DEPDC7: variants seen among roughly 807,000 people sequenced by gnomAD.
DEPDC7 encodes DEP domain containing 7.
A neutral mutation model predicts 56.6 loss-of-function variants in DEPDC7; 41 were observed. The ratio of observed to expected loss-of-function variants is 0.72; its 90% confidence interval spans 0.56 to 0.94. The LOEUF (loss-of-function observed/expected upper bound fraction) is 0.94. Ranked by LOEUF, DEPDC7 falls within the 40% of genes least tolerant of loss-of-function variation. The pLI is 0.00. For synonymous variants in DEPDC7, 185 were observed against 208.8 expected, an observed-to-expected ratio of 0.89 and a Z score of 0.98; for missense variants, 522 against 596.3, an observed-to-expected ratio of 0.88 and a Z score of 1.30.
Position 33,031,803 on chromosome 11 carries a change from G to A in DEPDC7, c.994+214G>A, listed in dbSNP as rs143822066. ...TGCAGAAACTTCTGGTTACCCAGGA[G>A]TATAATGCTGCTCTCATTCACCGGA... On this transcript the variant is annotated intron_variant, in intron 5 of 8. Coordinates refer to ENST00000241051, the MANE Select transcript of DEPDC7 (RefSeq NM_001077242.2). Among the ~76,000 whole-genome samples the A allele has an allele frequency of 5.8e-4, 89 of 152,324 alleles. 1 individual carries two copies. Among genetic ancestry groups the A allele is most frequent in the African/African-American group, 2.1e-3 (87 of 41,572 alleles).
chr11:33,028,756 T>A lies in DEPDC7; in HGVS notation c.746T>A (p.Leu249Gln). 6.2e-7 allele frequency: 1 copy of A among 1,612,818 alleles called. No homozygotes were observed. Among genetic ancestry groups the A allele is most frequent in the Non-Finnish European group, 8.5e-7 (1 of 1,179,760 alleles). The change falls in exon 4 of 9, where the codon CTG becomes CAG. Residue 249 changes from leucine to glutamine, a missense_variant. Transcript: ENST00000241051. Reference protein sequence around the residue: ...QSTMVNSSNYLDRGILKAYSD... With the variant: ...QSTMVNSSNYQDRGILKAYSD... Reference sequence around the variant, plus strand: ...ACCATGGTCAACAGCAGTAACTATCTGGATCGAGGGATTCTCAAGGCTTAT... The same window carrying A: ...ACCATGGTCAACAGCAGTAACTATCAGGATCGAGGGATTCTCAAGGCTTAT...
At chr11:33,017,988 C>T (rs1853481652) in intron 1 of DEPDC7, among the ~76,000 whole-genome samples, 1 of 152,226 alleles carries the variant, frequency 6.6e-6, no homozygotes, top group Non-Finnish European at 1.5e-5. Context: ...TATGCTGTCT[C>T]ATTAATGTAT....
intron 1 of DEPDC7, chr11:33,016,245 C>T (rs1359421686): frequency 1.5e-6 from 2 of 1,326,850 alleles, no homozygotes; most frequent in African/African-American, 3.0e-5. Context: ...GCGGCAGAGC[C>T]CGCCCGCACA....
chr11:33,016,503 A>T, intron 1 of DEPDC7: 1 of 1,613,542 alleles, frequency 6.2e-7, no homozygotes, highest in Non-Finnish European at 8.5e-7. Context: ...CTAGGAGTCA[A>T]GAGTCAGCTT....
In DEPDC7 at chr11:33,022,386, G is replaced by A. The variant is rs371091139; in HGVS notation, c.74-3273G>A. Among the ~76,000 whole-genome samples the A allele has an allele frequency of 4.4e-4, 67 of 152,260 alleles. 1 individual carries two copies. The highest frequency in any genetic ancestry group is 1.6e-3 in the African/African-American group (65 of 41,546). ...GATGGCTGACTTTTCATATATTTAT[G>A]TTTAAGTACTAGGAAACACTAGTAT... On this transcript the variant is annotated intron_variant, in intron 1 of 8. Coordinates refer to ENST00000241051, the MANE Select transcript of DEPDC7 (RefSeq NM_001077242.2).
At chr11:33,016,285 T>G (rs1853459739) in intron 1 of DEPDC7, 1 of 1,392,262 alleles carries the variant, frequency 7.2e-7, no homozygotes, top group Non-Finnish European at 9.2e-7. Flanking sequence ...ACCCAGACTC[T>G]CAACTTGACC....
At chr11:33,027,057 C>T (rs565842421) in intron 2 of DEPDC7, among the ~76,000 whole-genome samples, 53 of 152,258 alleles carry the variant, frequency 3.5e-4, no homozygotes, top group African/African-American at 1.2e-3. Context: ...TATCTGAAAT[C>T]CTTGGGACCA....
In DEPDC7 at chr11:33,032,301, G is replaced by A. The variant is rs749329138; in HGVS notation, c.995-35G>A. 8 of 1,538,326 alleles carry A rather than the reference G, an allele frequency of 5.2e-6. No homozygotes were observed. The Admixed American group carries it at 7.3e-5, about 14-fold the overall frequency. On this transcript the variant is annotated intron_variant, in intron 5 of 8. Transcript: ENST00000241051. ...GTTCCCTTTAATATAGTCATATTTGGTCAATTAAAAGCAGTTTTTTTCTTT... is the reference window on the plus strand; with the variant it reads ...GTTCCCTTTAATATAGTCATATTTGATCAATTAAAAGCAGTTTTTTTCTTT...
rs973680026 is a variant in DEPDC7 at position 33,016,083 on chromosome 11, G to T, written c.73+55G>T. 3.0e-6 allele frequency: 4 copies of T among 1,332,214 alleles called. No individual in the cohort carries two copies. The African/African-American group carries it at 6.2e-5, about 21-fold the overall frequency. The allele number at this position is 1,332,214 out of a possible 1,614,324, so 82.5% of individuals were successfully genotyped here. On this transcript the variant is annotated intron_variant, in intron 1 of 8. Transcript: ENST00000241051. ...GCGCGGGGCGGGCTGGGGTGCGCGG[G>T]CTGGGTCCCGGCGCGGGGCGGGCGG...
rs758998296 is a variant in DEPDC7, at chr11:33,025,888, G to A, written c.303G>A (p.Ala101=). The A allele has an allele frequency of 1.1e-5, 18 of 1,614,004 alleles. No individual in the cohort carries two copies. Among genetic ancestry groups the A allele is most frequent in the Middle Eastern group, 1.6e-4 (1 of 6,084 alleles). ...CCAAAGTGGTGAGAGTGTGTCAAGC[G>A]CTTATGGACTACAAAGTATTTGAAG... ...PRAKVVRVCQ[A]LMDYKVFEAV... Residue 101 remains alanine, a synonymous_variant, in exon 2 of 9, where the codon GCG becomes GCA. Coordinates refer to ENST00000241051, the MANE Select transcript of DEPDC7 (RefSeq NM_001077242.2).
chr11:33,032,776 C>G lies in DEPDC7; in HGVS notation c.1246C>G (p.Gln416Glu). Residue 416 changes from glutamine (Q) to glutamate (E), a missense_variant, in exon 7 of 9, where the codon CAG (glutamine) becomes GAG (glutamate). Coordinates refer to ENST00000241051, the MANE Select transcript of DEPDC7 (RefSeq NM_001077242.2). ...TCTGGTACTCTTTTTAATGGATCATCAGAAAGATGTTTTTAAGGTAAAATT... is the reference window on the plus strand; with the variant it reads ...TCTGGTACTCTTTTTAATGGATCATGAGAAAGATGTTTTTAAGGTAAAATT... Reference protein sequence around the residue: ...DLLVLFLMDHQKDVFKIPGTL... With the variant: ...DLLVLFLMDHEKDVFKIPGTL... The G allele has an allele frequency of 3.1e-6, 5 of 1,596,842 alleles. No homozygotes were observed. The highest frequency in any genetic ancestry group is 4.3e-6 in the Non-Finnish European group (5 of 1,175,038).
chr11:33,025,135 C>G (rs902669473), intron 1 of DEPDC7, among the ~76,000 whole-genome samples: 1 of 152,130 alleles, frequency 6.6e-6, no homozygotes, highest in Non-Finnish European at 1.5e-5. Flanking sequence ...TCCTGTTCTT[C>G]TCTCCCTCCC....
chr11:33,016,649 C>A, intron 1 of DEPDC7: 1 of 1,553,572 alleles, frequency 6.4e-7, no homozygotes, highest in Non-Finnish European at 8.9e-7. Flanking sequence ...GCTAAAAAAA[C>A]AGTTACATGA....
At chr11:33,023,499 T>C (rs945220320) in intron 1 of DEPDC7, among the ~76,000 whole-genome samples, 2 of 152,320 alleles carry the variant, frequency 1.3e-5, no homozygotes, top group South Asian at 2.1e-4. Context: ...GACCCACTTA[T>C]AATTTATGGC....
chr11:33,028,268 A>G (rs3802789), intron 3 of DEPDC7: 88,016 of 218,922 alleles, frequency 0.4, 17,939 homozygotes, highest in East Asian at 0.44. Flanking sequence ...ATAATCTGCA[A>G]CCAATAGTTT....
At chr11:33,026,398 A>G (rs1370721782) in intron 2 of DEPDC7, 1 of 304,602 alleles carries the variant, frequency 3.3e-6, no homozygotes, top group Non-Finnish European at 6.4e-6. Context: ...TTAAAGGGAA[A>G]CTGGGGAGAC....
intron 1 of DEPDC7, among the ~76,000 whole-genome samples, chr11:33,022,296 T>A (rs1316670329): frequency 6.6e-6 from 1 of 152,214 alleles, no homozygotes; most frequent in Non-Finnish European, 1.5e-5. Context: ...ATCTCTTGGC[T>A]CTCTTAAAGC....
intron 1 of DEPDC7, among the ~76,000 whole-genome samples, chr11:33,022,358 T>C (rs988057943): frequency 3.9e-5 from 6 of 152,222 alleles, no homozygotes; most frequent in African/African-American, 1.2e-4. Flanking sequence ...AAACAACTTA[T>C]CTGATGGCTG....
At position 33,032,807 on chromosome 11, in the gene DEPDC7, A is replaced by T. The variant is rs200802137; in HGVS notation, c.1263+14A>T. On this transcript the variant is annotated intron_variant, in intron 7 of 8. Coordinates refer to ENST00000241051, the MANE Select transcript of DEPDC7 (RefSeq NM_001077242.2). ...GATGTTTTTAAGGTAAAATTGTGAA[A>T]GTAGTTAAATTGAGCTTATGTAATA... 1,614 of 1,596,168 alleles carry T rather than the reference A, an allele frequency of 1.0e-3. 4 individuals are homozygous for T. Among genetic ancestry groups the T allele is most frequent in the Non-Finnish European group, 1.1e-3 (1,328 of 1,173,600 alleles).
Sources: allele counts gnomAD v4.1 joint callset (sites outside exome capture counted in the v4.1 genomes callset), GRCh38; gene constraint gnomAD v4.1.1; transcripts MANE v1.5; gene names NCBI Gene and HGNC (gene_info 2026-07-23, HGNC 2026-07-21).